EARS2: variants seen among roughly 807,000 people sequenced by gnomAD.
The protein encoded by EARS2 is nondiscriminating glutamyl-tRNA synthetase EARS2, mitochondrial.
EARS2 carries 50 observed loss-of-function variants against 54.1 expected under a neutral mutation model. The ratio of observed to expected loss-of-function variants is 0.92; its 90% CI spans 0.74 to 1.17. The LOEUF (loss-of-function observed/expected upper bound fraction) is 1.17, where lower values mean the gene tolerates loss of function less well. Ranked by LOEUF, EARS2 falls within the 50% of genes most tolerant of loss-of-function variation. EARS2 has a pLI of 0.00. For missense variants in EARS2, 673 were observed against 675.0 expected, an observed-to-expected ratio of 1.00 and a Z score of 0.03; for synonymous variants, 298 against 281.0, an observed-to-expected ratio of 1.06 and a Z score of -0.61.
intron 2 of EARS2, among the ~76,000 whole-genome samples, 168 bp downstream of exon 2, chr16:23,551,981 G>A (rs187961174): frequency 3.5e-4 from 53 of 152,208 alleles, no homozygotes; most frequent in Admixed American, 1.6e-3. Context: ...AGAGAGCTTC[G>A]GCATTTTTTC....
chr16:23,550,435 CTTTTTT>C (rs34422725), intron 2 of EARS2, among the ~76,000 whole-genome samples: 1 of 100,614 alleles, frequency 9.9e-6, no homozygotes, highest in East Asian at 3.2e-4. Context: ...AGCACATGGT[CTTTTTT>C]TTTTTTTTTT....
At chr16:23,534,479 T>TA (rs1181341337) in intron 4 of EARS2, among the ~76,000 whole-genome samples, 2 of 152,240 alleles carry the variant, frequency 1.3e-5, no homozygotes, top group African/African-American at 2.4e-5. Flanking sequence ...ATTCTAGTCA[T>TA]ACTGTTAGCA....
chr16:23,550,231 G>A (rs762673855), intron 2 of EARS2, among the ~76,000 whole-genome samples: 1 of 151,942 alleles, frequency 6.6e-6, no homozygotes, highest in South Asian at 2.1e-4. Context: ...GCTGGGCATG[G>A]TGGCACACAG....
chr16:23,538,003 C>T (rs1207851970), intron 3 of EARS2, among the ~76,000 whole-genome samples: 1 of 151,348 alleles, frequency 6.6e-6, no homozygotes, highest in African/African-American at 2.4e-5. Context: ...CACCATGTTG[C>T]GAAGGCTGGG....
Position 23,529,789 on chromosome 16 carries a change from A to G in EARS2, c.1176T>C (p.Asp392=). 6.2e-7 allele frequency: 1 copy of G among 1,614,154 alleles called. No individual in the cohort carries two copies. Among genetic ancestry groups the G allele is most frequent in the Non-Finnish European group, 8.5e-7 (1 of 1,180,018 alleles). Residue 392 remains aspartate, a synonymous_variant, in exon 6 of 9, where the codon GAT becomes GAC. Transcript: ENST00000449606. ...TCTCCACGTAGACTGGGTTGAGGACATCCCTGTTTTGCAGCTGGCAACCAA... is the reference window on the plus strand; with the variant it reads ...TCTCCACGTAGACTGGGTTGAGGACGTCCCTGTTTTGCAGCTGGCAACCAA... The part of the protein sequence containing the change: ...EAFGCQLQNR[D]VLNPVYVERI...
At chr16:23,526,027 G>A (rs1249519703) in intron 7 of EARS2, among the ~76,000 whole-genome samples, 1 of 149,880 alleles carries the variant, frequency 6.7e-6, no homozygotes, top group African/African-American at 2.5e-5. Context: ...AATAGTATCT[G>A]TCCTGCACAA....
chr16:23,535,573 C>A (rs189333803), intron 3 of EARS2: 10 of 589,704 alleles, frequency 1.7e-5, no homozygotes, highest in African/African-American at 9.3e-5. Context: ...AGCCATTCCA[C>A]GCTTCTTCCT....
intron 4 of EARS2, among the ~76,000 whole-genome samples, chr16:23,534,452 A>C (rs992852617): frequency 6.6e-6 from 1 of 152,250 alleles, no homozygotes; most frequent in Non-Finnish European, 1.5e-5. Flanking sequence ...GGAAAAAAAG[A>C]AACTAAATCC....
At chr16:23,537,221 G>A (rs1180708682) in intron 3 of EARS2, 1 of 159,862 alleles carries the variant, frequency 6.3e-6, no homozygotes, top group Non-Finnish European at 1.4e-5. Context: ...CTTCCAAACA[G>A]AGCAGCGGCA....
intron 3 of EARS2, among the ~76,000 whole-genome samples, chr16:23,542,463 G>A (rs368518563): frequency 6.0e-5 from 9 of 148,978 alleles, no homozygotes; most frequent in African/African-American, 9.9e-5. Context: ...GACTACATGC[G>A]CACCACCACG....
chr16:23,531,566 G>C (rs971795641), intron 5 of EARS2, among the ~76,000 whole-genome samples: 33 of 152,154 alleles, frequency 2.2e-4, no homozygotes, highest in African/African-American at 7.9e-4. Flanking sequence ...TGGCCACTTT[G>C]GCTAGTTTCT....
At chr16:23,557,049 C>T in intron 1 of EARS2, 156 bp downstream of exon 1, 1 of 1,124,966 alleles carries the variant, frequency 8.9e-7, no homozygotes, top group Non-Finnish European at 1.3e-6. Flanking sequence ...CGCTCCTGCA[C>T]CTCAGTTTCC....
chr16:23,544,661 C>T lies in EARS2; in HGVS notation c.338G>A (p.Gly113Glu). 1 of 1,609,846 alleles carries T rather than the reference C, an allele frequency of 6.2e-7. No homozygotes were observed. ...DESPRRGGPA[G>E]PYQQSQRLEL... ...CAACCGCTGAGATTGCTGGTAGGGC[C>T]CAGCAGGACCGCCCCGGCGGGGGCT... Residue 113 changes from glycine to glutamate, a missense_variant, in exon 3 of 9, where the codon GGG (glycine) becomes GAG (glutamate). Physicochemically the swap from Gly to Glu is moderately conservative, Grantham distance 98. Transcript: ENST00000449606.
At chr16:23,547,658 C>A (rs972426439) in intron 2 of EARS2, among the ~76,000 whole-genome samples, 1 of 152,110 alleles carries the variant, frequency 6.6e-6, no homozygotes, top group Non-Finnish European at 1.5e-5. Flanking sequence ...GCATGTGCCA[C>A]CACGCCCAAC....
chr16:23,528,404 A>G (rs566427817), intron 7 of EARS2, among the ~76,000 whole-genome samples: 19 of 152,356 alleles, frequency 1.2e-4, no homozygotes, highest in Middle Eastern at 3.4e-3. Context: ...CAGGCCGGGA[A>G]CAATGGCAGT....
Position 23,529,633 on chromosome 16 carries a change from C to T in EARS2, c.1222-1G>A, listed in dbSNP as rs1567379315. 2 of 1,614,018 alleles carry T rather than the reference C, an allele frequency of 1.2e-6. No individual in the cohort carries two copies. Among genetic ancestry groups the T allele is most frequent in the South Asian group, 2.2e-5 (2 of 91,074 alleles). ...AGTCCTGCAGGCGGCAAATGTGACC[C>T]TGGGGAAGGAGGCAGTCATTGAATG... On this transcript the variant is annotated splice_acceptor_variant, in intron 6 of 8. Transcript: ENST00000449606. LOFTEE classifies it high-confidence loss of function.
chr16:23,552,854 G>A (rs1965718647), intron 1 of EARS2, among the ~76,000 whole-genome samples: 1 of 152,228 alleles, frequency 6.6e-6, no homozygotes, highest in South Asian at 2.1e-4. Flanking sequence ...TCGAACTCCT[G>A]ACCTCAAGTG....
At chr16:23,524,781 G>C (rs968809198) in intron 8 of EARS2, among the ~76,000 whole-genome samples, 21 of 151,696 alleles carry the variant, frequency 1.4e-4, no homozygotes, top group Non-Finnish European at 2.8e-4. Context: ...CAAGTAGCTG[G>C]GATTACAGGC....
At chr16:23,537,707 G>C (rs1418425061) in intron 3 of EARS2, among the ~76,000 whole-genome samples, 1 of 151,862 alleles carries the variant, frequency 6.6e-6, no homozygotes, top group African/African-American at 2.4e-5. Flanking sequence ...CGAGCAGCTA[G>C]GACTACAGGT....
Sources: allele counts gnomAD v4.1 joint callset (sites outside exome capture counted in the v4.1 genomes callset), GRCh38; gene constraint gnomAD v4.1.1; transcripts MANE v1.5; gene names NCBI Gene and HGNC (gene_info 2026-07-23, HGNC 2026-07-21).